Variants in PCSK2 observed in about 807,000 individuals in gnomAD.
PCSK2 encodes neuroendocrine convertase 2.
Under a neutral mutation model 69.7 loss-of-function variants are expected in PCSK2, and 14 were observed. That is an observed-to-expected ratio of 0.20 (90% CI 0.13 to 0.31). The LOEUF is 0.31. Ranked by LOEUF, PCSK2 falls within the 10% of genes least tolerant of loss-of-function variation. The pLI is 1.00. For synonymous variants in PCSK2, 307 were observed against 320.7 expected, an observed-to-expected ratio of 0.96 and a Z score of 0.46; for missense variants, 544 against 842.5, an observed-to-expected ratio of 0.65 and a Z score of 4.39.
chr20:17,347,940 GA>G (rs1990720446), intron 2 of PCSK2, among the ~76,000 whole-genome samples: 1 of 21,004 alleles, frequency 4.8e-5, no homozygotes, highest in Non-Finnish European at 9.5e-5. Context: ...AAAAGAGAAA[GA>G]AAGAAAGAAA....
At chr20:17,300,120 G>T in intron 2 of PCSK2, among the ~76,000 whole-genome samples, 1 of 152,220 alleles carries the variant, frequency 6.6e-6, no homozygotes, top group Non-Finnish European at 1.5e-5. Flanking sequence ...AGACCCAGGG[G>T]ACAGTGTCAG....
intron 11 of PCSK2, among the ~76,000 whole-genome samples, chr20:17,470,640 A>G (rs2072960): frequency 0.55 from 83,518 of 152,026 alleles, 23,299 homozygotes; most frequent in South Asian, 0.64. Context: ...CTGGGATAGC[A>G]CTTTATTCCA....
chr20:17,271,581 TCTC>T (rs1184591839), intron 2 of PCSK2, among the ~76,000 whole-genome samples: 1 of 151,896 alleles, frequency 6.6e-6, no homozygotes, highest in East Asian at 1.9e-4. Context: ...AAAATGATCT[TCTC>T]CTCTGTGTGA....
At chr20:17,274,625 A>G (rs1445068919) in intron 2 of PCSK2, among the ~76,000 whole-genome samples, 1 of 152,132 alleles carries the variant, frequency 6.6e-6, no homozygotes, top group Non-Finnish European at 1.5e-5. Flanking sequence ...AGATACCAGA[A>G]CTATGAGTGA....
intron 1 of PCSK2, among the ~76,000 whole-genome samples, chr20:17,258,331 C>G (rs1227175664): frequency 6.6e-6 from 1 of 152,186 alleles, no homozygotes; most frequent in African/African-American, 2.4e-5. Context: ...CTGCAAACCT[C>G]TTGTCAATTT....
chr20:17,351,645 AT>A (rs1156770827), intron 2 of PCSK2, among the ~76,000 whole-genome samples: 1 of 146,694 alleles, frequency 6.8e-6, no homozygotes, highest in Non-Finnish European at 1.5e-5. Flanking sequence ...AAAATCCATC[AT>A]GCCTTCAAGA....
intron 5 of PCSK2, among the ~76,000 whole-genome samples, chr20:17,388,636 G>A: frequency 6.6e-6 from 1 of 152,036 alleles, no homozygotes; most frequent in South Asian, 2.1e-4. Context: ...AGGCACTAGG[G>A]TCCTGAAGGA....
intron 4 of PCSK2, among the ~76,000 whole-genome samples, chr20:17,363,147 A>G (rs973685432): frequency 4.6e-5 from 7 of 152,242 alleles, no homozygotes; most frequent in African/African-American, 1.7e-4. Context: ...GTCTCTCCAC[A>G]TGTTGGCCTG....
At chr20:17,480,184 C>CTTTTTT (rs1164266992) in intron 11 of PCSK2, among the ~76,000 whole-genome samples, 102 of 76,970 alleles carry the variant, frequency 1.3e-3, no homozygotes, top group East Asian at 2.8e-3. Flanking sequence ...TTCAGCTTTT[C>CTTTTTT]TTTTTTTTTT....
chr20:17,306,768 T>A (rs1989340292), intron 2 of PCSK2, among the ~76,000 whole-genome samples: 1 of 152,198 alleles, frequency 6.6e-6, no homozygotes, highest in Admixed American at 6.5e-5. Context: ...GAGCAATACA[T>A]GATGAACTGC....
At chr20:17,283,735 G>A (rs1029606357) in intron 2 of PCSK2, among the ~76,000 whole-genome samples, 4 of 152,134 alleles carry the variant, frequency 2.6e-5, no homozygotes, top group Admixed American at 6.5e-5. Context: ...CTGGCAACTT[G>A]TCATGCTAGA....
At chr20:17,432,520 T>C (rs564557879) in intron 7 of PCSK2, among the ~76,000 whole-genome samples, 1 of 152,378 alleles carries the variant, frequency 6.6e-6, no homozygotes, top group South Asian at 2.1e-4. Flanking sequence ...AAAATGCCTT[T>C]ATTCAAGTAA....
chr20:17,401,282 T>C (rs1020018004), intron 5 of PCSK2, among the ~76,000 whole-genome samples: 1 of 152,230 alleles, frequency 6.6e-6, no homozygotes, highest in Non-Finnish European at 1.5e-5. Context: ...ATCTATTGGC[T>C]ACAGTTCTGG....
intron 2 of PCSK2, among the ~76,000 whole-genome samples, chr20:17,329,497 A>C (rs2123148558): frequency 6.6e-6 from 1 of 152,318 alleles, no homozygotes; most frequent in East Asian, 1.9e-4. Flanking sequence ...ATTACTGCAA[A>C]CCCTACATGT....
In PCSK2 at chr20:17,260,343, G is replaced by C. The variant is rs375705655; in HGVS notation, c.281G>C (p.Arg94Thr). 1 of 1,607,946 alleles carries C rather than the reference G, an allele frequency of 6.2e-7. No homozygotes were observed. Among genetic ancestry groups the C allele is most frequent in the African/African-American group, 1.3e-5 (1 of 74,942 alleles). The stretch of plus-strand genomic sequence containing the variant: ...AAGCAGCAGCTGGAGAGAGACCCCA[G>C]GGTGAGTTTTCCCCAGAAACCTGCC... ...HHKQQLERDP[R>T]VKMALQQEGF... The change falls in exon 2 of 12, where the codon AGG becomes ACG. Residue 94 changes from arginine to threonine, a missense_variant and splice_region_variant. Physicochemically the swap from Arg to Thr is moderately conservative, Grantham distance 71. Transcript: ENST00000262545.
chr20:17,442,346 AGTTTGTGG>A (rs2032615407), intron 8 of PCSK2, among the ~76,000 whole-genome samples: 1 of 151,974 alleles, frequency 6.6e-6, no homozygotes, highest in African/African-American at 2.4e-5. Context: ...TAAGCCACTC[AGTTTGTGG>A]TCCTTTGGTT....
intron 5 of PCSK2, among the ~76,000 whole-genome samples, chr20:17,404,254 G>A (rs146286350): frequency 6.2e-4 from 94 of 152,330 alleles, no homozygotes; most frequent in African/African-American, 2.2e-3. Flanking sequence ...CACAGAGTTT[G>A]CCCCTCAGTA....
chr20:17,309,700 C>A (rs1989439384), intron 2 of PCSK2, among the ~76,000 whole-genome samples: 1 of 152,074 alleles, frequency 6.6e-6, no homozygotes, highest in Admixed American at 6.5e-5. Context: ...TGCCTGTAAT[C>A]CCTGCTACTC....
intron 2 of PCSK2, among the ~76,000 whole-genome samples, chr20:17,272,941 G>T (rs1321175872): frequency 6.6e-6 from 1 of 152,072 alleles, no homozygotes; most frequent in East Asian, 1.9e-4. Context: ...ATGACTAAAA[G>T]TACCAGACCA....
Sources: gnomAD v4.1 joint callset for allele counts (sites outside exome capture counted in the v4.1 genomes callset) on GRCh38, gnomAD v4.1.1 for gene constraint, MANE v1.5 for transcripts, NCBI Gene and HGNC (gene_info 2026-07-23, HGNC 2026-07-21) for gene names.